KATNBL1: variants seen among roughly 807,000 people sequenced by gnomAD.
KATNBL1 encodes katanin regulatory subunit B1 like 1.
In KATNBL1, 28 loss-of-function variants were observed where a neutral mutation model predicts 44.7. The ratio of observed to expected loss-of-function variants is 0.63; its 90% CI spans 0.46 to 0.86. The LOEUF is 0.86. KATNBL1 is among the 40% of genes least tolerant of loss of function. The pLI, the probability that KATNBL1 is intolerant of heterozygous loss-of-function variation, is 0.00. For synonymous variants in KATNBL1, 78 were observed against 114.9 expected (o/e 0.68, Z 2.06); for missense variants, 272 against 350.7 (o/e 0.78, Z 1.79).
intron 2 of KATNBL1, 123 bp from the exon 3 acceptor site, chr15:34,154,807 G>A (rs1249612441): frequency 2.1e-5 from 14 of 680,202 alleles, no homozygotes; most frequent in Admixed American, 5.1e-5. Context: ...GGTGCCAATC[G>A]TGCCTGGAGT....
chr15:34,142,402 G>C (rs893582885), intron 9 of KATNBL1, 31 bp from the exon 10 acceptor site: 2 of 1,564,320 alleles, frequency 1.3e-6, no homozygotes, highest in African/African-American at 1.4e-5. Context: ...CATTTCATTA[G>C]ACAGTACAGT....
At chr15:34,145,230 G>C in intron 9 of KATNBL1, 168 bp downstream of exon 9, 1 of 1,397,670 alleles carries the variant, frequency 7.2e-7, no homozygotes, top group East Asian at 3.6e-5. Flanking sequence ...TTGCTGCCAA[G>C]GTCACAGTTA....
chr15:34,153,101 A>T (rs777329972), intron 3 of KATNBL1, 32 bp from the exon 4 acceptor site: 1 of 1,515,994 alleles, frequency 6.6e-7, no homozygotes, highest in Non-Finnish European at 8.9e-7. Flanking sequence ...TTAAATGAAA[A>T]AGAACCATAT....
intron 1 of KATNBL1, among the ~76,000 whole-genome samples, chr15:34,204,022 TAA>T (rs35383096): frequency 0.057 from 7,477 of 130,574 alleles, 583 homozygotes; most frequent in African/African-American, 0.19. Flanking sequence ...AGAACTTAAT[TAA>T]AAAAAAAAAA....
intron 1 of KATNBL1, chr15:34,198,289 C>T (rs1416551530): frequency 6.6e-6 from 1 of 152,156 alleles, no homozygotes; most frequent in Non-Finnish European, 1.5e-5. Context: ...TTAAACTTCC[C>T]AATCTTTCCT....
At chr15:34,156,968 G>A (rs1313346663) in intron 2 of KATNBL1, among the ~76,000 whole-genome samples, 2 of 152,156 alleles carry the variant, frequency 1.3e-5, no homozygotes, top group Non-Finnish European at 2.9e-5. Flanking sequence ...TATTGGGAAG[G>A]CAAGACTCTC....
chr15:34,204,764 T>C (rs1308190148), intron 1 of KATNBL1, among the ~76,000 whole-genome samples: 1 of 152,138 alleles, frequency 6.6e-6, no homozygotes, highest in Non-Finnish European at 1.5e-5. Flanking sequence ...ATACCAACTA[T>C]TCAATAATTA....
chr15:34,176,743 A>G (rs1173170263), intron 1 of KATNBL1, among the ~76,000 whole-genome samples: 1 of 152,244 alleles, frequency 6.6e-6, no homozygotes, highest in Non-Finnish European at 1.5e-5. Flanking sequence ...ATACTTCAAT[A>G]AAGCTTTAAA....
chr15:34,181,794 A>G lies in KATNBL1; in HGVS notation c.-14-18104T>C, dbSNP rs919698151. 2.8e-3 allele frequency among the ~76,000 whole-genome samples: 223 copies of G among 79,966 alleles called. 4 individuals carry two copies. The highest frequency in any genetic ancestry group is 0.011 in the South Asian group (23 of 2,078). 52.5% of individuals were successfully genotyped at this position (79,966 alleles called of 152,430 possible). ...TACACATATATATGTCCATATATAT[A>G]TCCATATATATACATATATACATGT... On this transcript the variant is annotated intron_variant, in intron 1 of 9. Transcript: ENST00000256544.
At chr15:34,175,447 A>G (rs1169920867) in intron 1 of KATNBL1, among the ~76,000 whole-genome samples, 3 of 152,176 alleles carry the variant, frequency 2.0e-5, no homozygotes, top group Non-Finnish European at 4.4e-5. Context: ...AAGAATCTAT[A>G]AAATCATTTT....
At chr15:34,179,768 G>A (rs908217736) in intron 1 of KATNBL1, among the ~76,000 whole-genome samples, 1 of 152,218 alleles carries the variant, frequency 6.6e-6, no homozygotes, top group Admixed American at 6.5e-5. Context: ...TTTATTGTTG[G>A]TGGGATTATG....
Position 34,208,322 on chromosome 15 carries a change from T to G in KATNBL1, c.-15+1629A>C, listed in dbSNP as rs534147833. ...GGCACATTTCTTTTGTATAGCCAAT[T>G]GGGTCTACCACCCTGTTGGGCATAC... On this transcript the variant is annotated intron_variant, in intron 1 of 9. Coordinates refer to ENST00000256544, the MANE Select transcript of KATNBL1 (RefSeq NM_024713.3). Among the ~76,000 whole-genome samples the G allele has an allele frequency of 2.3e-4, 35 of 152,336 alleles. No individual in the cohort carries two copies. The South Asian group carries it at 6.8e-3, about 30-fold the overall frequency.
chr15:34,186,628 G>A (rs1489283599), intron 1 of KATNBL1, among the ~76,000 whole-genome samples: 3 of 152,220 alleles, frequency 2.0e-5, no homozygotes, highest in Non-Finnish European at 2.9e-5. Flanking sequence ...ACAGGACCAG[G>A]GCGTCTCTGC....
chr15:34,147,361 T>G lies in KATNBL1; in HGVS notation c.608+19A>C. ...ACCTCCTTTAATCTTATTTTTTTTC[T>G]GAAAAATATTGTTTTTACCAATTGG... is the stretch of plus-strand genomic sequence containing the variant. On this transcript the variant is annotated intron_variant, in intron 6 of 9. Transcript: ENST00000256544. The G allele has an allele frequency of 1.2e-6, 2 of 1,609,148 alleles. No homozygotes were observed. Among genetic ancestry groups the G allele is most frequent in the Non-Finnish European group, 8.5e-7 (1 of 1,175,750 alleles).
chr15:34,191,026 A>G (rs1889855990), intron 1 of KATNBL1, among the ~76,000 whole-genome samples: 2 of 152,004 alleles, frequency 1.3e-5, no homozygotes, highest in African/African-American at 4.8e-5. Flanking sequence ...ACTAAATGCA[A>G]TGTTTGGATG....
chr15:34,162,766 T>C (rs895713969), intron 2 of KATNBL1, among the ~76,000 whole-genome samples: 1 of 152,080 alleles, frequency 6.6e-6, no homozygotes, highest in Non-Finnish European at 1.5e-5. Flanking sequence ...CATGCCACCA[T>C]GCCTGGCTAG....
intron 1 of KATNBL1, among the ~76,000 whole-genome samples, chr15:34,194,028 G>A (rs1216367632): frequency 6.6e-6 from 1 of 151,528 alleles, no homozygotes; most frequent in East Asian, 2.0e-4. Flanking sequence ...CACAACGTCC[G>A]CCTCCTGGCT....
intron 1 of KATNBL1, among the ~76,000 whole-genome samples, chr15:34,181,272 C>T (rs73378144): frequency 0.2 from 30,641 of 151,900 alleles, 3,787 homozygotes; most frequent in African/African-American, 0.35. Flanking sequence ...GATTCCCAGA[C>T]TTAGCCATCA....
At chr15:34,195,361 C>T (rs1229844608) in intron 1 of KATNBL1, among the ~76,000 whole-genome samples, 1 of 152,128 alleles carries the variant, frequency 6.6e-6, no homozygotes, top group Non-Finnish European at 1.5e-5. Flanking sequence ...ACAAATACTG[C>T]ATGTCCTCAC....
Sources: gnomAD v4.1 joint callset for allele counts (sites outside exome capture counted in the v4.1 genomes callset) on GRCh38, gnomAD v4.1.1 for gene constraint, MANE v1.5 for transcripts, NCBI Gene and HGNC (gene_info 2026-07-23, HGNC 2026-07-21) for gene names.